ANOS1: variants seen among roughly 807,000 people sequenced by gnomAD.
ANOS1 encodes the protein anosmin 1.
A neutral mutation model predicts 59.0 loss-of-function variants in ANOS1; 6 were observed. The ratio of observed to expected loss-of-function variants is 0.10; its 90% CI spans 0.06 to 0.20. ANOS1 has a LOEUF of 0.20. Ranked by LOEUF, ANOS1 falls within the 10% of genes least tolerant of loss-of-function variation. The pLI is 1.00. For missense variants in ANOS1, 433 were observed against 542.3 expected, an observed-to-expected ratio of 0.80 and a Z score of 2.00; for synonymous variants, 217 against 223.4, an observed-to-expected ratio of 0.97 and a Z score of 0.25.
chrX:8,546,702 C>T (rs1053582355), intron 9 of ANOS1, among the ~76,000 whole-genome samples: 8 of 111,807 alleles, frequency 7.2e-5, no homozygotes, highest in Middle Eastern at 4.6e-3. Flanking sequence ...ATCTCAAATT[C>T]GACACACCAA....
At position 8,731,368 on chromosome X, in the gene ANOS1, C is replaced by T. The variant is rs1365715312; in HGVS notation, c.207+462G>A. 4.5e-5 allele frequency among the ~76,000 whole-genome samples: 5 copies of T among 111,868 alleles called. No individual in the cohort carries two copies. The East Asian group carries it at 1.4e-3, about 32-fold the overall frequency. On this transcript the variant is annotated intron_variant, in intron 1 of 13. Coordinates refer to ENST00000262648, the MANE Select transcript of ANOS1 (RefSeq NM_000216.4). ...TTTCAAAAGAGACAAAGTGTCGGCC[C>T]GCGGGCACCTGCGGGGCTGGGGCTC...
chrX:8,712,360 G>A (rs188348390), intron 1 of ANOS1, among the ~76,000 whole-genome samples: 2 of 111,929 alleles, frequency 1.8e-5, no homozygotes, highest in African/African-American at 6.5e-5. Context: ...CTCTAACGAC[G>A]TTATTTCCAA....
chrX:8,579,857 A>G, intron 6 of ANOS1, among the ~76,000 whole-genome samples: 1 of 111,886 alleles, frequency 8.9e-6, no homozygotes, highest in Admixed American at 9.5e-5. Flanking sequence ...GAGGAAGCTT[A>G]GGTTGCCTAT....
chrX:8,621,620 G>A (rs1335820691), intron 3 of ANOS1, among the ~76,000 whole-genome samples: 1 of 112,090 alleles, frequency 8.9e-6, no homozygotes, highest in Non-Finnish European at 1.9e-5. Flanking sequence ...GATAAGCTCT[G>A]TACCATGCAC....
intron 2 of ANOS1, among the ~76,000 whole-genome samples, chrX:8,676,489 T>G (rs1181806922): frequency 4.5e-5 from 5 of 111,663 alleles, no homozygotes; most frequent in Non-Finnish European, 7.5e-5. Flanking sequence ...CAATAAGTCC[T>G]GTTGAAGTGT....
rs188138323 is a variant in ANOS1, at chrX:8,555,810, T to C, written c.1208-1712A>G. The stretch of plus-strand genomic sequence containing the variant: ...TTCCTTCTAAAACTATTCCAAACAA[T>C]AGAAAAAGAGGGACTCCTCCCTAAC... On this transcript the variant is annotated intron_variant, in intron 8 of 13. Coordinates refer to ENST00000262648, the MANE Select transcript of ANOS1 (RefSeq NM_000216.4). Among the ~76,000 whole-genome samples, 477 of 111,672 alleles carry C rather than the reference T, an allele frequency of 4.3e-3. 1 individual carries two copies. The highest frequency in any genetic ancestry group is 0.015 in the African/African-American group (457 of 30,749).
At chrX:8,555,734 G>A (rs886626422) in intron 8 of ANOS1, among the ~76,000 whole-genome samples, 6 of 112,126 alleles carry the variant, frequency 5.4e-5, no homozygotes, top group African/African-American at 1.6e-4. Context: ...CCCAGGACCA[G>A]ACAGATTCAC....
chrX:8,716,924 C>T (rs756320079), intron 1 of ANOS1, among the ~76,000 whole-genome samples: 9 of 111,467 alleles, frequency 8.1e-5, no homozygotes, highest in African/African-American at 2.9e-4. Flanking sequence ...ATGGATATCC[C>T]GATACAAATA....
At chrX:8,619,490 G>C (rs1931249677) in intron 3 of ANOS1, among the ~76,000 whole-genome samples, 1 of 111,098 alleles carries the variant, frequency 9.0e-6, no homozygotes, top group Non-Finnish European at 1.9e-5. Context: ...TGTAGTCCCA[G>C]CTACTCAGGA....
At chrX:8,640,681 C>A (rs1210673159) in intron 2 of ANOS1, among the ~76,000 whole-genome samples, 1 of 104,672 alleles carries the variant, frequency 9.6e-6, no homozygotes, top group East Asian at 3.0e-4. Flanking sequence ...ATTAATTCTT[C>A]TCAATACAGA....
intron 3 of ANOS1, among the ~76,000 whole-genome samples, chrX:8,614,276 T>C (rs1931120656): frequency 1.8e-5 from 2 of 112,299 alleles, no homozygotes; most frequent in African/African-American, 6.5e-5. Context: ...CAAAAATCAC[T>C]TTCTCAACTG....
intron 2 of ANOS1, among the ~76,000 whole-genome samples, chrX:8,683,444 C>G (rs1037523657): frequency 9.9e-5 from 11 of 110,786 alleles, no homozygotes; most frequent in African/African-American, 3.6e-4. Flanking sequence ...TCTATTGTGC[C>G]TCTCACTCAA....
At chrX:8,611,012 T>C (rs917059215) in intron 3 of ANOS1, among the ~76,000 whole-genome samples, 14 of 110,670 alleles carry the variant, frequency 1.3e-4, no homozygotes, top group African/African-American at 3.9e-4. Flanking sequence ...CCAGAAATTA[T>C]AGAAATGATA....
At chrX:8,710,356 T>G (rs1463232716) in intron 1 of ANOS1, among the ~76,000 whole-genome samples, 4 of 112,027 alleles carry the variant, frequency 3.6e-5, no homozygotes, top group Non-Finnish European at 7.5e-5. Flanking sequence ...TGCAAAGTAT[T>G]TTCATCAATG....
chrX:8,679,786 G>A (rs1184648159), intron 2 of ANOS1, among the ~76,000 whole-genome samples: 3 of 111,247 alleles, frequency 2.7e-5, no homozygotes, highest in African/African-American at 3.3e-5. Context: ...CGCTGGGCGC[G>A]GTGGCTCACC....
intron 2 of ANOS1, among the ~76,000 whole-genome samples, chrX:8,681,988 C>T (rs565894846): frequency 9.0e-6 from 1 of 111,374 alleles, no homozygotes; most frequent in Admixed American, 9.6e-5. Context: ...TCTGAGAGCA[C>T]AGAATTTAAG....
At chrX:8,729,460 G>A (rs1219834836) in intron 1 of ANOS1, among the ~76,000 whole-genome samples, 1 of 88,506 alleles carries the variant, frequency 1.1e-5, no homozygotes, top group Non-Finnish European at 2.1e-5. Context: ...GTGCAGTGGT[G>A]TGATCTCGGC....
intron 2 of ANOS1, among the ~76,000 whole-genome samples, chrX:8,645,257 G>A (rs1276911998): frequency 8.9e-6 from 1 of 112,514 alleles, no homozygotes; most frequent in Non-Finnish European, 1.9e-5. Context: ...TCGACGAAGG[G>A]AGTCCAGGCA....
At chrX:8,666,643 C>G (rs1443469231) in intron 2 of ANOS1, among the ~76,000 whole-genome samples, 1 of 112,121 alleles carries the variant, frequency 8.9e-6, no homozygotes, top group Non-Finnish European at 1.9e-5. Context: ...AATGGTATCT[C>G]AGACACAGGG....
Sources: gnomAD v4.1 joint callset for allele counts (sites outside exome capture counted in the v4.1 genomes callset) on GRCh38, gnomAD v4.1.1 for gene constraint, MANE v1.5 for transcripts, NCBI Gene and HGNC (gene_info 2026-07-23, HGNC 2026-07-21) for gene names.